Variants in PTPRM observed in about 807,000 individuals in gnomAD.
The protein encoded by PTPRM is protein tyrosine phosphatase receptor type M.
A neutral mutation model predicts 186.7 loss-of-function variants in PTPRM; 47 were observed. The ratio of observed to expected loss-of-function variants is 0.25; its 90% CI spans 0.20 to 0.32. The LOEUF (loss-of-function observed/expected upper bound fraction) is 0.32. PTPRM is among the 10% of genes least tolerant of loss of function. The pLI is 1.00. For synonymous variants in PTPRM, 668 were observed against 674.9 expected (o/e 0.99, Z 0.16); for missense variants, 1,494 against 1,865.0 (o/e 0.80, Z 3.66).
chr18:8,294,282 AC>A (rs1290527418), intron 19 of PTPRM, among the ~76,000 whole-genome samples: 4 of 152,124 alleles, frequency 2.6e-5, no homozygotes, highest in Non-Finnish European at 5.9e-5. Flanking sequence ...AATACCCAAA[AC>A]CAGGTAGTTT....
intron 1 of PTPRM, among the ~76,000 whole-genome samples, chr18:7,572,475 C>A (rs1309826853): frequency 4.6e-5 from 7 of 152,010 alleles, no homozygotes; most frequent in Non-Finnish European, 5.9e-5. Flanking sequence ...GTAATATATT[C>A]TAGGAATTGT....
Position 8,044,607 on chromosome 18 carries a change from G to A in PTPRM, c.1133-25079G>A, listed in dbSNP as rs371097807. Among the ~76,000 whole-genome samples the A allele has an allele frequency of 3.3e-5, 5 of 151,698 alleles. No individual in the cohort carries two copies. The East Asian group carries it at 9.8e-4, about 30-fold the overall frequency. ...CCCCATCTCTACTAAAAATACAAAA[G>A]TTAGCTGGGCATGATGGTAGGTGCC... On this transcript the variant is annotated intron_variant, in intron 7 of 32. Coordinates refer to ENST00000580170, the MANE Select transcript of PTPRM (RefSeq NM_001105244.2).
At chr18:8,351,226 T>C (rs2095532434) in intron 23 of PTPRM, among the ~76,000 whole-genome samples, 1 of 152,196 alleles carries the variant, frequency 6.6e-6, no homozygotes, top group African/African-American at 2.4e-5. Flanking sequence ...CAGCATCCTC[T>C]CTGTATGTCA....
At chr18:7,969,546 T>C (rs1219981547) in intron 7 of PTPRM, among the ~76,000 whole-genome samples, 2 of 149,014 alleles carry the variant, frequency 1.3e-5, no homozygotes, top group East Asian at 1.9e-4. Context: ...TTCAACAAAA[T>C]TGATAGACCG....
At chr18:7,895,597 A>G (rs1388189001) in intron 3 of PTPRM, among the ~76,000 whole-genome samples, 1 of 152,114 alleles carries the variant, frequency 6.6e-6, no homozygotes, top group African/African-American at 2.4e-5. Flanking sequence ...CTTGGGTTGT[A>G]TTCAGGGACC....
intron 11 of PTPRM, among the ~76,000 whole-genome samples, chr18:8,106,323 CT>C (rs11394748): frequency 0.056 from 8,292 of 148,052 alleles, 522 homozygotes; most frequent in African/African-American, 0.16. Context: ...AACATGTTGG[CT>C]TTTTTTTTTG....
At chr18:7,663,137 G>A (rs982874839) in intron 1 of PTPRM, among the ~76,000 whole-genome samples, 7 of 152,158 alleles carry the variant, frequency 4.6e-5, no homozygotes, top group Admixed American at 3.9e-4. Context: ...TGCTTGCACA[G>A]TCCTAACTTG....
At chr18:8,325,829 C>T (rs1174404439) in intron 22 of PTPRM, among the ~76,000 whole-genome samples, 1 of 152,200 alleles carries the variant, frequency 6.6e-6, no homozygotes, top group African/African-American at 2.4e-5. Flanking sequence ...TCTCCACAAC[C>T]TCTCCAGCAT....
At chr18:7,647,024 C>T (rs923074355) in intron 1 of PTPRM, among the ~76,000 whole-genome samples, 5 of 152,092 alleles carry the variant, frequency 3.3e-5, no homozygotes, top group African/African-American at 7.2e-5. Flanking sequence ...TTAGCACATT[C>T]GGAGGCCACC....
chr18:8,326,275 G>T (rs184521271), intron 22 of PTPRM, among the ~76,000 whole-genome samples: 1 of 152,226 alleles, frequency 6.6e-6, no homozygotes, highest in Non-Finnish European at 1.5e-5. Context: ...ACTGCCCAAA[G>T]AAATCAGGGA....
intron 13 of PTPRM, among the ~76,000 whole-genome samples, chr18:8,115,766 C>G (rs559349042): frequency 6.6e-6 from 1 of 152,266 alleles, no homozygotes; most frequent in African/African-American, 2.4e-5. Context: ...GTTTAACTCT[C>G]AGGTGAACAT....
At chr18:8,096,794 A>G (rs1185478914) in intron 11 of PTPRM, among the ~76,000 whole-genome samples, 1 of 152,188 alleles carries the variant, frequency 6.6e-6, no homozygotes, top group Non-Finnish European at 1.5e-5. Flanking sequence ...AGGATCTTGG[A>G]CATTTTGAGA....
intron 1 of PTPRM, among the ~76,000 whole-genome samples, chr18:7,579,780 GA>G (rs2036795228): frequency 6.6e-6 from 1 of 152,192 alleles, no homozygotes; most frequent in Non-Finnish European, 1.5e-5. Flanking sequence ...AGTATTTTGG[GA>G]AGATTATTTT....
intron 7 of PTPRM, among the ~76,000 whole-genome samples, chr18:8,014,657 T>G (rs1194613440): frequency 6.6e-6 from 1 of 152,216 alleles, no homozygotes; most frequent in Non-Finnish European, 1.5e-5. Context: ...GTGTTCTGTC[T>G]GAAAATTTGT....
intron 2 of PTPRM, among the ~76,000 whole-genome samples, chr18:7,844,363 T>A (rs1337653457): frequency 6.6e-6 from 1 of 152,226 alleles, no homozygotes; most frequent in Non-Finnish European, 1.5e-5. Flanking sequence ...TCTCAGCCCT[T>A]AAATCAGGTT....
chr18:7,669,726 A>G (rs922329004), intron 1 of PTPRM, among the ~76,000 whole-genome samples: 1 of 151,704 alleles, frequency 6.6e-6, no homozygotes, highest in Non-Finnish European at 1.5e-5. Flanking sequence ...GCTATCTTTT[A>G]CTTTATTTTT....
rs1020474647 is a variant in PTPRM at position 7,624,877 on chromosome 18, G to T, written c.73+56986G>T. Among the ~76,000 whole-genome samples the T allele has an allele frequency of 5.3e-5, 8 of 152,362 alleles. No individual in the cohort carries two copies. In the East Asian group the frequency reaches 1.5e-3, roughly 29 times the overall value. On this transcript the variant is annotated intron_variant, in intron 1 of 32. Coordinates refer to ENST00000580170, the MANE Select transcript of PTPRM (RefSeq NM_001105244.2). Reference sequence around the variant, plus strand: ...CACTGTGCAGAGCTCCTAGAACAGTGCTGGGCGTGTAGCAAGCCTGGTGTA... The same window carrying T: ...CACTGTGCAGAGCTCCTAGAACAGTTCTGGGCGTGTAGCAAGCCTGGTGTA...
At chr18:7,859,369 A>T (rs2047240783) in intron 2 of PTPRM, among the ~76,000 whole-genome samples, 2 of 152,192 alleles carry the variant, frequency 1.3e-5, no homozygotes, top group Non-Finnish European at 2.9e-5. Context: ...CACAGAGCTC[A>T]GATTTCTACC....
At chr18:8,092,908 G>A (rs2090823216) in intron 11 of PTPRM, among the ~76,000 whole-genome samples, 1 of 152,160 alleles carries the variant, frequency 6.6e-6, no homozygotes, top group African/African-American at 2.4e-5. Context: ...CTATACTCAG[G>A]AGGCTGAGGC....
Sources: allele counts gnomAD v4.1 joint callset (sites outside exome capture counted in the v4.1 genomes callset), GRCh38; gene constraint gnomAD v4.1.1; transcripts MANE v1.5; gene names NCBI Gene and HGNC (gene_info 2026-07-23, HGNC 2026-07-21).